DNAH11: variants seen among roughly 807,000 people sequenced by gnomAD.
DNAH11 encodes the protein dynein axonemal heavy chain 11, also known as axonemal beta dynein heavy chain 11.
In DNAH11, 442 loss-of-function variants were observed where a neutral mutation model predicts 526.0. That is an observed-to-expected ratio of 0.84 (90% confidence interval 0.78 to 0.91). The LOEUF (loss-of-function observed/expected upper bound fraction) is 0.91. Among genes scored for constraint, DNAH11 ranks in the 40% least tolerant of loss-of-function variants. DNAH11 has a pLI of 0.00. For missense variants in DNAH11, 6,989 were observed against 5,448.7 expected, an observed-to-expected ratio of 1.28 and a Z score of -8.90; for synonymous variants, 2,461 against 1,935.9, an observed-to-expected ratio of 1.27 and a Z score of -7.12.
At chr7:21,858,049 A>G (rs1782919882) in intron 68 of DNAH11, among the ~76,000 whole-genome samples, 2 of 152,206 alleles carry the variant, frequency 1.3e-5, no homozygotes, top group African/African-American at 2.4e-5. Flanking sequence ...TTGTATCAGG[A>G]TATAAAAAGA....
At chr7:21,859,841 G>A (rs981983950) in intron 68 of DNAH11, among the ~76,000 whole-genome samples, 2 of 152,078 alleles carry the variant, frequency 1.3e-5, no homozygotes, top group African/African-American at 4.8e-5. Flanking sequence ...AAGAAGAGGT[G>A]ACCAAGGGGC....
chr7:21,669,871 C>G (rs59445113), intron 30 of DNAH11, among the ~76,000 whole-genome samples: 14,444 of 152,046 alleles, frequency 0.095, 1,323 homozygotes, highest in Admixed American at 0.25. Context: ...TTTTCAGATT[C>G]TCTTGTTTCA....
chr7:21,754,881 A>G (rs949243949), intron 54 of DNAH11, among the ~76,000 whole-genome samples: 1 of 151,952 alleles, frequency 6.6e-6, no homozygotes, highest in Non-Finnish European at 1.5e-5. Flanking sequence ...TATGTATGTT[A>G]CCCCCACATC....
intron 28 of DNAH11, among the ~76,000 whole-genome samples, chr7:21,644,309 T>A (rs1254357435): frequency 6.6e-6 from 1 of 152,172 alleles, no homozygotes; most frequent in Admixed American, 6.5e-5. Flanking sequence ...ATCTTCCTGA[T>A]AGAGTAAAAG....
chr7:21,546,102 A>G (rs1782794670), intron 2 of DNAH11, among the ~76,000 whole-genome samples: 1 of 152,254 alleles, frequency 6.6e-6, no homozygotes, highest in African/African-American at 2.4e-5. Flanking sequence ...TAATCAGTGT[A>G]GTCCTGCCAA....
At chr7:21,605,030 C>T (rs1312301119) in intron 18 of DNAH11, among the ~76,000 whole-genome samples, 1 of 152,190 alleles carries the variant, frequency 6.6e-6, no homozygotes, top group Non-Finnish European at 1.5e-5. Context: ...ACACATAGAC[C>T]TCCTGATAGT....
chr7:21,844,116 T>G (rs930515731), intron 66 of DNAH11, among the ~76,000 whole-genome samples: 4 of 152,116 alleles, frequency 2.6e-5, no homozygotes, highest in African/African-American at 9.7e-5. Context: ...TTAATAAAAT[T>G]TATTAAAACA....
chr7:21,599,847 T>A lies in DNAH11; in HGVS notation c.2728T>A (p.Phe910Ile). Residue 910 changes from phenylalanine (F) to isoleucine (I), a missense_variant, in exon 15 of 82, where the codon TTC becomes ATC. By Grantham distance (21) the Phe-to-Ile change is conservative (BLOSUM62 0). Coordinates refer to ENST00000409508, the MANE Select transcript of DNAH11 (RefSeq NM_001277115.2). ...SLDTWKIYVE[F>I]IDDIVVEGFF... is the part of the protein sequence containing the mutation. ...GGATACCTGGAAAATTTATGTAGAATTCATTGACGACATTGTGGTGGAAGG... is the reference window on the plus strand; with the variant it reads ...GGATACCTGGAAAATTTATGTAGAAATCATTGACGACATTGTGGTGGAAGG... 6.2e-7 allele frequency: 1 copy of A among 1,601,838 alleles called. No individual in the cohort carries two copies. Among genetic ancestry groups the A allele is most frequent in the Non-Finnish European group, 8.5e-7 (1 of 1,172,054 alleles).
At chr7:21,823,169 T>A (rs1166921460) in intron 65 of DNAH11, among the ~76,000 whole-genome samples, 1 of 152,100 alleles carries the variant, frequency 6.6e-6, no homozygotes, top group Non-Finnish European at 1.5e-5. Context: ...GCTGTTCTTT[T>A]TGAGGTCTTA....
chr7:21,635,914 T>C lies in DNAH11; in HGVS notation c.4544T>C (p.Phe1515Ser). 2 of 1,613,208 alleles carry C rather than the reference T, an allele frequency of 1.2e-6. No individual in the cohort carries two copies. The highest frequency in any genetic ancestry group is 1.7e-6 in the Non-Finnish European group (2 of 1,179,544). The change falls in exon 26 of 82, where the codon TTC becomes TCC. Residue 1515 changes from phenylalanine to serine, a missense_variant. Physicochemically the swap from Phe to Ser is radical, Grantham distance 155. Transcript: ENST00000409508. ...CTTCAAAGCAAGTATGTAGAATATT[T>C]CATTGAGCAAGTGTTAAGCTGGCAA... Reference protein sequence around the residue: ...TLLQSKYVEYFIEQVLSWQNK... With the variant: ...TLLQSKYVEYSIEQVLSWQNK...
In DNAH11 at chr7:21,773,980, T is replaced by C. The variant is rs1787552144; in HGVS notation, c.9317T>C (p.Leu3106Pro). 6.4e-7 allele frequency: 1 copy of C among 1,568,400 alleles called. No homozygotes were observed. Among genetic ancestry groups the C allele is most frequent in the Non-Finnish European group, 8.6e-7 (1 of 1,157,504 alleles). ...CGCCTGGTGAACGGCATCCAAAAGC[T>C]AAAAACCACAGCCTCTCAGGTATGA... ...KERLVNGIQK[L>P]KTTASQVGDL... The change falls in exon 56 of 82, where the codon CTA becomes CCA. Residue 3106 changes from leucine to proline, a missense_variant. Physicochemically the swap from Leu to Pro is moderately conservative, Grantham distance 98. Transcript: ENST00000409508.
intron 68 of DNAH11, among the ~76,000 whole-genome samples, chr7:21,859,495 A>G (rs917918379): frequency 2.2e-4 from 33 of 152,210 alleles, no homozygotes; most frequent in Non-Finnish European, 4.3e-4. Flanking sequence ...CATCTGAAAA[A>G]ATCCAAAATC....
chr7:21,900,852 AAGCTCAGTCCGGCC>A lies in DNAH11; in HGVS notation c.13304-146_13304-133del, dbSNP rs1320451225. On this transcript the variant is annotated intron_variant, in intron 81 of 81. Transcript: ENST00000409508. ...TGCAGGCAGGGTAACCTACCTTTCA[AAGCTCAGTCCGGCC>A]AGCTCAGTAAAAATACCACTGACAA... 33 of 1,289,480 alleles carry A rather than the reference AAGCTCAGTCCGGCC, an allele frequency of 2.6e-5. No homozygotes were observed. In the African/African-American group the frequency reaches 3.1e-4, roughly 12 times the overall value. 79.9% of individuals were successfully genotyped at this position (1,289,480 alleles called of 1,614,324 possible).
In DNAH11 at chr7:21,866,676, G is replaced by T. The variant is rs375068037; in HGVS notation, c.11690+13G>T. On this transcript the variant is annotated intron_variant, in intron 71 of 81. Transcript: ENST00000409508. ...CGTATGCTCTCAGGTGGGGTGGTCA[G>T]CATTTTTGGAAACATGTATTAGTTA... is the stretch of plus-strand genomic sequence containing the variant. The T allele has an allele frequency of 1.6e-5, 25 of 1,595,612 alleles. No homozygotes were observed. The African/African-American group carries it at 3.4e-4, about 21-fold the overall frequency.
At position 21,864,625 on chromosome 7, in the gene DNAH11, T is replaced by G. The variant is rs771110734; in HGVS notation, c.11464T>G (p.Phe3822Val). Residue 3822 changes from phenylalanine to valine, a missense_variant, in exon 70 of 82, where the codon TTC becomes GTC. Physicochemically the swap from Phe to Val is conservative, Grantham distance 50. Transcript: ENST00000409508. ...VEHTHLSPVD[F>V]LTSQSWSAIK... ...ACACACTCATCTGAGTCCCGTTGAC[T>G]TCCTAACTTCTCAGTCATGGAGTGC... 5.0e-6 allele frequency: 8 copies of G among 1,608,106 alleles called. No homozygotes were observed. Among genetic ancestry groups the G allele is most frequent in the Non-Finnish European group, 6.8e-6 (8 of 1,177,200 alleles).
At chr7:21,550,363 C>A (rs916016155) in intron 2 of DNAH11, among the ~76,000 whole-genome samples, 1 of 152,094 alleles carries the variant, frequency 6.6e-6, no homozygotes, top group Admixed American at 6.5e-5. Context: ...TCCTTTTAAC[C>A]TAAGGGATGA....
At chr7:21,672,139 G>A (rs542609458) in intron 30 of DNAH11, among the ~76,000 whole-genome samples, 16 of 152,166 alleles carry the variant, frequency 1.1e-4, no homozygotes, top group Non-Finnish European at 1.5e-4. Context: ...CAAGATGAGA[G>A]GTCCTCGTTG....
At chr7:21,692,209 T>C (rs1052259642) in intron 35 of DNAH11, among the ~76,000 whole-genome samples, 12 of 152,222 alleles carry the variant, frequency 7.9e-5, no homozygotes, top group African/African-American at 2.9e-4. Flanking sequence ...AGGTTTATCA[T>C]CATACCAGGT....
Position 21,786,561 on chromosome 7 carries a change from C to A in DNAH11, c.9598-63C>A, listed in dbSNP as rs980659624. The A allele has an allele frequency of 2.0e-6, 3 of 1,518,448 alleles. No homozygotes were observed. In the East Asian group the frequency reaches 6.9e-5, roughly 35 times the overall value. The allele number at this position is 1,518,448 out of a possible 1,614,324, so 94.1% of individuals were successfully genotyped here. On this transcript the variant is annotated intron_variant, in intron 58 of 81. Coordinates refer to ENST00000409508, the MANE Select transcript of DNAH11 (RefSeq NM_001277115.2). ...CACTAAAGCCTTGCTTGGCAACTTA[C>A]AGAGCTTCTCCAGACTTCCGCTAAT...
Sources: allele counts gnomAD v4.1 joint callset (sites outside exome capture counted in the v4.1 genomes callset), GRCh38; gene constraint gnomAD v4.1.1; transcripts MANE v1.5; gene names NCBI Gene and HGNC (gene_info 2026-07-23, HGNC 2026-07-21).